Variants in SPATA31H1 observed in about 807,000 individuals in gnomAD.
The protein encoded by SPATA31H1 is SPATA31 subfamily H member 1.
chr2:27,575,093 GA>G, the SPATA31H1 span: 1 of 398,518 alleles, frequency 2.5e-6, no homozygotes, highest in Non-Finnish European at 4.4e-6. This position sits in a 1 kb window ranked among gnomAD's most constrained non-coding sequence, Gnocchi z 4.1. Flanking sequence ...TTCAGGGTGT[GA>G]AATCTGTAGA....
the SPATA31H1 span, among the ~76,000 whole-genome samples, chr2:27,542,233 C>T: frequency 1.3e-5 from 2 of 151,686 alleles, no homozygotes; most frequent in African/African-American, 2.4e-5. Context: ...CCCATCTCTA[C>T]TAAAAATACA....
chr2:27,579,179 C>A, the SPATA31H1 span: 20 of 1,614,040 alleles, frequency 1.2e-5, no homozygotes, highest in Non-Finnish European at 1.7e-5. Context: ...CTTTCCCGGG[C>A]AGACAACACA....
chr2:27,580,493 T>G, the SPATA31H1 span: 4 of 1,614,138 alleles, frequency 2.5e-6, no homozygotes, highest in Non-Finnish European at 3.4e-6. Context: ...ACACAAACAG[T>G]AGAACCACAA....
chr2:27,569,467 C>A, the SPATA31H1 span: 1 of 398,928 alleles, frequency 2.5e-6, no homozygotes, highest in South Asian at 1.3e-4. Flanking sequence ...TATGAGAAAT[C>A]AGAGCCACTA....
At chr2:27,576,798 C>T in the SPATA31H1 span, 21 of 1,614,060 alleles carry the variant, frequency 1.3e-5, no homozygotes, top group Non-Finnish European at 1.6e-5. Context: ...AAGCGTAAAA[C>T]ATGTGAAATT....
At chr2:27,556,172 A>G in the SPATA31H1 span, among the ~76,000 whole-genome samples, 4 of 149,498 alleles carry the variant, frequency 2.7e-5, no homozygotes, top group Non-Finnish European at 4.4e-5. Context: ...TTGTGTTGGT[A>G]TTCAGCATTC....
At chr2:27,566,602 T>C in the SPATA31H1 span, 4 of 582,070 alleles carry the variant, frequency 6.9e-6, no homozygotes, top group Non-Finnish European at 1.2e-5. Flanking sequence ...CTATAAGTAA[T>C]TGATGTTGGG....
chr2:27,579,861 C>T, the SPATA31H1 span: 2 of 1,614,220 alleles, frequency 1.2e-6, no homozygotes, highest in Non-Finnish European at 1.7e-6. Flanking sequence ...AGCAGCAAAA[C>T]TCTTAAGGAG....
the SPATA31H1 span, chr2:27,575,411 A>C: frequency 5.0e-6 from 2 of 398,558 alleles, no homozygotes; most frequent in Non-Finnish European, 8.8e-6. This position sits in a 1 kb window ranked among gnomAD's most constrained non-coding sequence, Gnocchi z 4.1. Flanking sequence ...CAAAGCTTCA[A>C]GATGTAAAAT....
chr2:27,572,147 A>C, the SPATA31H1 span: 7 of 398,414 alleles, frequency 1.8e-5, no homozygotes, highest in Non-Finnish European at 2.7e-5. Flanking sequence ...CTCCAGAATC[A>C]AATATGCAAG....
the SPATA31H1 span, among the ~76,000 whole-genome samples, chr2:27,553,720 G>A: frequency 2.0e-5 from 3 of 151,664 alleles, no homozygotes; most frequent in Admixed American, 1.3e-4. Flanking sequence ...TCAGGAGTTC[G>A]AGACCAGCCT....
the SPATA31H1 span, chr2:27,578,503 T>C: frequency 1.9e-6 from 3 of 1,613,996 alleles, no homozygotes; most frequent in East Asian, 6.7e-5. Flanking sequence ...CAAGAACTGA[T>C]AGTACCTGCA....
chr2:27,572,933 G>A, the SPATA31H1 span: 12 of 393,026 alleles, frequency 3.1e-5, no homozygotes, highest in Non-Finnish European at 4.5e-5. Flanking sequence ...TTCCAGCATC[G>A]ACCTCAGAGC....
the SPATA31H1 span, chr2:27,578,703 A>T: frequency 3.7e-6 from 6 of 1,614,146 alleles, no homozygotes; most frequent in South Asian, 6.6e-5. Flanking sequence ...CGTGTGTCAG[A>T]ATAGGGACTG....
At chr2:27,578,887 C>T in the SPATA31H1 span, 1 of 1,614,150 alleles carries the variant, frequency 6.2e-7, no homozygotes, top group Non-Finnish European at 8.5e-7. Context: ...AACCCTGGGA[C>T]AGATATTTTG....
chr2:27,539,108 T>C, the SPATA31H1 span, among the ~76,000 whole-genome samples: 1,669 of 123,602 alleles, frequency 0.014, 11 homozygotes, highest in Middle Eastern at 0.026. Flanking sequence ...TTTCTTTTTT[T>C]TTTTTTTTTT....
At chr2:27,538,629 C>G in the SPATA31H1 span, among the ~76,000 whole-genome samples, 2 of 151,954 alleles carry the variant, frequency 1.3e-5, no homozygotes, top group East Asian at 3.9e-4. Flanking sequence ...GTCAGGAGTT[C>G]GAGACCAGCC....
At chr2:27,563,233 G>A in the SPATA31H1 span, among the ~76,000 whole-genome samples, 28 of 151,932 alleles carry the variant, frequency 1.8e-4, no homozygotes, top group Admixed American at 1.7e-3. Flanking sequence ...CATTTCAACT[G>A]CTTTCATACT....
the SPATA31H1 span, among the ~76,000 whole-genome samples, chr2:27,550,411 ATT>A: frequency 2.3e-4 from 22 of 94,544 alleles, no homozygotes; most frequent in African/African-American, 6.4e-4. Context: ...TGGGTGTTAA[ATT>A]TTTTTTTTTT....
Sources: allele counts gnomAD v4.1 joint callset (sites outside exome capture counted in the v4.1 genomes callset), GRCh38; gene constraint gnomAD v4.1.1; non-coding constraint Gnocchi (gnomAD v3.1); transcripts MANE v1.5; gene names NCBI Gene and HGNC (gene_info 2026-07-23, HGNC 2026-07-21).